CADPS: variants seen among roughly 807,000 people sequenced by gnomAD.
CADPS encodes calcium-dependent secretion activator 1.
Under a neutral mutation model 167.3 loss-of-function variants are expected in CADPS, and 57 were observed. The observed-to-expected ratio is 0.34, with a 90% CI of 0.28 to 0.42. CADPS has a LOEUF of 0.42. Among genes scored for constraint, CADPS ranks in the 20% least tolerant of loss-of-function variants. The pLI is 1.00. For missense variants in CADPS, 1,414 were observed against 1,738.1 expected (o/e 0.81, Z 3.32); for synonymous variants, 676 against 635.3 (o/e 1.06, Z -0.96).
At chr3:62,845,391 C>T (rs1038882363) in intron 1 of CADPS, among the ~76,000 whole-genome samples, 1 of 152,168 alleles carries the variant, frequency 6.6e-6, no homozygotes, top group African/African-American at 2.4e-5. Context: ...GAACAAGTTA[C>T]TTTAACTCTG....
chr3:62,476,240 T>G (rs1381900191), intron 23 of CADPS, among the ~76,000 whole-genome samples: 2 of 152,170 alleles, frequency 1.3e-5, no homozygotes, highest in Non-Finnish European at 2.9e-5. Flanking sequence ...CTATGTTGGC[T>G]TAGAACAAGG....
chr3:62,698,914 A>T (rs554403596), intron 3 of CADPS, among the ~76,000 whole-genome samples: 20 of 150,180 alleles, frequency 1.3e-4, no homozygotes, highest in South Asian at 1.1e-3. Context: ...TATTTTTTTT[A>T]AAATTTCTGA....
intron 1 of CADPS, among the ~76,000 whole-genome samples, chr3:62,836,430 C>A (rs1451770535): frequency 6.6e-6 from 1 of 152,060 alleles, no homozygotes; most frequent in Admixed American, 6.6e-5. Context: ...GAGAAAAATA[C>A]GCACTAGATG....
intron 4 of CADPS, among the ~76,000 whole-genome samples, chr3:62,654,967 C>T (rs764469621): frequency 1.4e-4 from 21 of 152,282 alleles, no homozygotes; most frequent in Non-Finnish European, 2.2e-4. Flanking sequence ...TTTAACTCCA[C>T]AGTCCTGAGA....
chr3:62,743,772 T>C (rs2080842506), intron 3 of CADPS, among the ~76,000 whole-genome samples: 2 of 152,206 alleles, frequency 1.3e-5, no homozygotes, highest in Non-Finnish European at 2.9e-5. Context: ...ATTGAATAGA[T>C]GCGTCCATTA....
chr3:62,535,119 T>C (rs905424145), intron 12 of CADPS, among the ~76,000 whole-genome samples: 12 of 152,074 alleles, frequency 7.9e-5, no homozygotes, highest in African/African-American at 2.9e-4. Context: ...CAGAGGCACA[T>C]TCTTACAAGT....
rs1406251904 is a variant in CADPS at position 62,412,273 on chromosome 3, G to T, written c.3778-9088C>A. ...GCCGGGTCCTAAAGTTTGGACGGCA[G>T]CTCCCTGAGGACTCACTGACGGAGG... is the stretch of plus-strand genomic sequence containing the variant. On this transcript the variant is annotated intron_variant, in intron 28 of 29. Transcript: ENST00000383710. The surrounding 1 kb of genome is among the most constrained non-coding windows in gnomAD (Gnocchi z 4.1). 6.6e-6 allele frequency among the ~76,000 whole-genome samples: 1 copy of T among 151,364 alleles called. No individual in the cohort carries two copies. Among genetic ancestry groups the T allele is most frequent in the Admixed American group, 6.6e-5 (1 of 15,126 alleles).
At chr3:62,708,297 A>G (rs1368457965) in intron 3 of CADPS, among the ~76,000 whole-genome samples, 1 of 151,978 alleles carries the variant, frequency 6.6e-6, no homozygotes, top group Non-Finnish European at 1.5e-5. Context: ...TATATGTATT[A>G]TATGTATTTG....
intron 26 of CADPS, among the ~76,000 whole-genome samples, chr3:62,459,583 C>T (rs1487929784): frequency 6.6e-6 from 1 of 152,210 alleles, no homozygotes; most frequent in African/African-American, 2.4e-5. Flanking sequence ...TTTTAGGTCT[C>T]AGCCCAAATG....
chr3:62,704,992 T>A (rs2082073506), intron 3 of CADPS, among the ~76,000 whole-genome samples: 1 of 152,046 alleles, frequency 6.6e-6, no homozygotes, highest in South Asian at 2.1e-4. Context: ...CCCTCATCAG[T>A]GAACCAAGCC....
intron 1 of CADPS, among the ~76,000 whole-genome samples, chr3:62,867,147 A>G (rs569201130): frequency 4.4e-4 from 67 of 152,228 alleles, no homozygotes; most frequent in African/African-American, 1.5e-3. Context: ...TATCATAGTC[A>G]GTATCATTAG....
intron 4 of CADPS, among the ~76,000 whole-genome samples, chr3:62,653,928 A>G (rs1389620776): frequency 6.6e-6 from 1 of 152,258 alleles, no homozygotes; most frequent in East Asian, 1.9e-4. Flanking sequence ...TGCTTTCTAA[A>G]CACGCTGTGC....
chr3:62,400,263 AACAATG>A (rs1705425627), intron 29 of CADPS, among the ~76,000 whole-genome samples: 1 of 152,196 alleles, frequency 6.6e-6, no homozygotes, highest in Non-Finnish European at 1.5e-5. Flanking sequence ...CTTTTTCAAG[AACAATG>A]GCTTGGTATT....
intron 1 of CADPS, among the ~76,000 whole-genome samples, chr3:62,873,976 G>C (rs1478343118): frequency 1.3e-5 from 2 of 152,234 alleles, no homozygotes; most frequent in African/African-American, 4.8e-5. Context: ...TCGGTGATCA[G>C]CTGACCCGGG....
intron 3 of CADPS, among the ~76,000 whole-genome samples, chr3:62,703,439 C>T (rs1345862900): frequency 6.6e-6 from 1 of 151,852 alleles, no homozygotes. Flanking sequence ...GAGCTCACAG[C>T]CAGGGACTCT....
rs1425961428 is a variant in CADPS, at chr3:62,399,745, A to G, written c.3883-160T>C. The stretch of plus-strand genomic sequence containing the variant: ...GCCACTGTGCTTAGATTTCACTTGT[A>G]TTGAAAACTGAGATCCTTTGAATGA... On this transcript the variant is annotated intron_variant, in intron 29 of 29. Coordinates refer to ENST00000383710, the MANE Select transcript of CADPS (RefSeq NM_003716.4). This position sits in a 1 kb window ranked among gnomAD's most constrained non-coding sequence, Gnocchi z 5.6. Among the ~76,000 whole-genome samples, 1 of 152,232 alleles carries G rather than the reference A, an allele frequency of 6.6e-6. No individual in the cohort carries two copies. Among genetic ancestry groups the G allele is most frequent in the Non-Finnish European group, 1.5e-5 (1 of 68,042 alleles).
At chr3:62,805,635 G>A (rs2094044421) in intron 1 of CADPS, among the ~76,000 whole-genome samples, 1 of 152,146 alleles carries the variant, frequency 6.6e-6, no homozygotes, top group Non-Finnish European at 1.5e-5. Flanking sequence ...ACTGAAGGCT[G>A]GAGAGGCTCT....
At chr3:62,555,898 G>A (rs1164843172) in intron 10 of CADPS, among the ~76,000 whole-genome samples, 1 of 151,998 alleles carries the variant, frequency 6.6e-6, no homozygotes, top group East Asian at 1.9e-4. Context: ...ACCTACAGGT[G>A]TGTGCCTCCA....
At chr3:62,490,317 A>G (rs2151050406) in intron 21 of CADPS, among the ~76,000 whole-genome samples, 1 of 152,262 alleles carries the variant, frequency 6.6e-6, no homozygotes, top group East Asian at 1.9e-4. Flanking sequence ...AAAGAAAGAA[A>G]GAAAGAAAGA....
Sources: allele counts gnomAD v4.1 joint callset (sites outside exome capture counted in the v4.1 genomes callset), GRCh38; gene constraint gnomAD v4.1.1; non-coding constraint Gnocchi (gnomAD v3.1); transcripts MANE v1.5; gene names NCBI Gene and HGNC (gene_info 2026-07-23, HGNC 2026-07-21).